The following MPPED2 variants were observed in gnomAD, a reference collection of about 807,000 sequenced individuals.
MPPED2 encodes metallophosphoesterase domain containing 2.
In MPPED2, 5 loss-of-function variants were observed where a neutral mutation model predicts 33.0. The ratio of observed to expected loss-of-function variants is 0.15; its 90% CI spans 0.08 to 0.32. The LOEUF (loss-of-function observed/expected upper bound fraction) is 0.32. Among genes scored for constraint, MPPED2 ranks in the 10% least tolerant of loss-of-function variants. The pLI is 1.00. For missense variants in MPPED2, 275 were observed against 372.1 expected (o/e 0.74, Z 2.15); for synonymous variants, 136 against 141.9 (o/e 0.96, Z 0.29).
chr11:30,518,021 G>T (rs908852212), intron 3 of MPPED2, among the ~76,000 whole-genome samples: 1 of 91,428 alleles, frequency 1.1e-5, no homozygotes, highest in Non-Finnish European at 2.6e-5. Flanking sequence ...CTATATCCAT[G>T]ACATTTTTAA....
At chr11:30,444,314 C>G (rs952335325) in intron 4 of MPPED2, among the ~76,000 whole-genome samples, 2 of 152,128 alleles carry the variant, frequency 1.3e-5, no homozygotes, top group African/African-American at 4.8e-5. Flanking sequence ...TTCAATTGCT[C>G]CAAATTGTTT....
At position 30,586,066 on chromosome 11, in the gene MPPED2, C is replaced by G. The variant is rs1345223549; in HGVS notation, c.-146G>C. On this transcript the variant is annotated 5_prime_UTR_variant, in exon 1 of 7. Transcript: ENST00000358117. This position sits in a 1 kb window ranked among gnomAD's most constrained non-coding sequence, Gnocchi z 4.8. The stretch of plus-strand genomic sequence containing the variant: ...CCTTTCCCGGGCTGCGCTCCGGATC[C>G]CGGGGATGCCTTCAGCGCCCGGCGA... 1.3e-5 allele frequency: 2 copies of G among 152,214 alleles called. No individual in the cohort carries two copies. The highest frequency in any genetic ancestry group is 2.9e-5 in the Non-Finnish European group (2 of 68,058). 9.4% of individuals were successfully genotyped at this position (152,214 alleles called of 1,614,324 possible). A position where few individuals can be genotyped will look rare whatever the true frequency, so the allele number is the denominator to read the frequency against.
At chr11:30,461,822 T>C (rs1056310047) in intron 4 of MPPED2, among the ~76,000 whole-genome samples, 4 of 152,242 alleles carry the variant, frequency 2.6e-5, no homozygotes, top group African/African-American at 9.6e-5. Context: ...GAATTTTTTG[T>C]CTAATCTTAT....
intron 1 of MPPED2, among the ~76,000 whole-genome samples, chr11:30,583,153 T>C (rs1320198596): frequency 4.8e-5 from 6 of 124,052 alleles, no homozygotes; most frequent in South Asian, 2.6e-4. Flanking sequence ...TTTTTTTTTT[T>C]TTTTTTTTTT....
intron 2 of MPPED2, among the ~76,000 whole-genome samples, chr11:30,563,378 G>A (rs1471844204): frequency 6.6e-6 from 1 of 152,158 alleles, no homozygotes; most frequent in African/African-American, 2.4e-5. Flanking sequence ...AATAGGGTTT[G>A]GGCTCCTATC....
intron 2 of MPPED2, among the ~76,000 whole-genome samples, chr11:30,546,111 T>A (rs1955411824): frequency 6.6e-6 from 1 of 152,212 alleles, no homozygotes. Flanking sequence ...TGAGTCACCG[T>A]GCCCGGCCAC....
intron 4 of MPPED2, among the ~76,000 whole-genome samples, chr11:30,428,026 G>C (rs999937200): frequency 2.0e-5 from 3 of 152,116 alleles, no homozygotes; most frequent in Non-Finnish European, 4.4e-5. Flanking sequence ...GAATATTAAG[G>C]GGGTAGGGAA....
chr11:30,421,605 T>C (rs1041300274), intron 4 of MPPED2, among the ~76,000 whole-genome samples: 11 of 152,214 alleles, frequency 7.2e-5, no homozygotes, highest in African/African-American at 2.7e-4. Context: ...GTTAAAAACC[T>C]GAATATCAGG....
At chr11:30,507,801 C>A (rs1422330062) in intron 3 of MPPED2, among the ~76,000 whole-genome samples, 2 of 152,102 alleles carry the variant, frequency 1.3e-5, no homozygotes, top group Non-Finnish European at 2.9e-5. Flanking sequence ...TCCGATATTT[C>A]TTTGGCAATG....
intron 3 of MPPED2, among the ~76,000 whole-genome samples, chr11:30,503,235 G>A (rs963534547): frequency 3.9e-5 from 6 of 152,078 alleles, no homozygotes; most frequent in Non-Finnish European, 8.8e-5. Context: ...GAAGAAAGAC[G>A]TGTAGGCTTC....
chr11:30,565,603 AC>A (rs1956411151), intron 2 of MPPED2, among the ~76,000 whole-genome samples: 1 of 152,054 alleles, frequency 6.6e-6, no homozygotes, highest in Admixed American at 6.6e-5. Flanking sequence ...ATTATACAAC[AC>A]CTTCCTTAGT....
At chr11:30,429,349 G>C (rs968330438) in intron 4 of MPPED2, 3 of 152,142 alleles carry the variant, frequency 2.0e-5, no homozygotes, top group Non-Finnish European at 4.4e-5. Flanking sequence ...TGGAATAAGT[G>C]ACAAGGAGGT....
chr11:30,456,228 C>T (rs748839495), intron 4 of MPPED2, among the ~76,000 whole-genome samples: 1 of 152,118 alleles, frequency 6.6e-6, no homozygotes, highest in Non-Finnish European at 1.5e-5. Context: ...AAGGAAAATG[C>T]CAAGTTCCCT....
At chr11:30,393,526 C>T (rs1947804858) in intron 6 of MPPED2, among the ~76,000 whole-genome samples, 1 of 152,118 alleles carries the variant, frequency 6.6e-6, no homozygotes, top group South Asian at 2.1e-4. Context: ...ATCCTGCTTA[C>T]CTGAGTATGT....
intron 4 of MPPED2, among the ~76,000 whole-genome samples, chr11:30,447,694 C>T (rs962613621): frequency 6.6e-6 from 1 of 152,134 alleles, no homozygotes; most frequent in Non-Finnish European, 1.5e-5. Flanking sequence ...AGAGTTTGCG[C>T]AGTTAAACAG....
Position 30,410,329 on chromosome 11 carries a change from CATAAA to C in MPPED2, c.*1134_*1138del. On this transcript the variant is annotated 3_prime_UTR_variant, in exon 7 of 7. Transcript: ENST00000358117. The stretch of plus-strand genomic sequence containing the variant: ...TTCCTAAATTTCATTAACAAAGTAA[CATAAA>C]ATAGAATAAAGCTCAACAGCATTTA... 1.0e-6 allele frequency: 1 copy of C among 985,346 alleles called. No individual in the cohort carries two copies. The highest frequency in any genetic ancestry group is 1.2e-6 in the Non-Finnish European group (1 of 829,548). 61.0% of individuals were successfully genotyped at this position (985,346 alleles called of 1,614,324 possible). A position where few individuals can be genotyped will look rare whatever the true frequency, so the allele number is the denominator to read the frequency against.
At chr11:30,493,358 G>C (rs1952078485) in intron 4 of MPPED2, among the ~76,000 whole-genome samples, 1 of 144,370 alleles carries the variant, frequency 6.9e-6, no homozygotes, top group African/African-American at 2.6e-5. Context: ...GCGACAGAAC[G>C]AGACTCCGTC....
At chr11:30,570,578 A>G (rs567945808) in intron 2 of MPPED2, among the ~76,000 whole-genome samples, 1 of 152,298 alleles carries the variant, frequency 6.6e-6, no homozygotes, top group Non-Finnish European at 1.5e-5. Flanking sequence ...AGGCAAAGCA[A>G]AATAAAACAA....
intron 3 of MPPED2, among the ~76,000 whole-genome samples, chr11:30,523,154 C>T (rs1342786876): frequency 1.3e-5 from 2 of 149,214 alleles, no homozygotes; most frequent in Non-Finnish European, 3.0e-5. Flanking sequence ...AAGGTGGGGG[C>T]GGGTGGCAAA....
Sources: allele counts gnomAD v4.1 joint callset (sites outside exome capture counted in the v4.1 genomes callset), GRCh38; gene constraint gnomAD v4.1.1; non-coding constraint Gnocchi (gnomAD v3.1); transcripts MANE v1.5; gene names NCBI Gene and HGNC (gene_info 2026-07-23, HGNC 2026-07-21).